The following CFHR4 variants were observed in gnomAD, a reference collection of about 807,000 sequenced individuals.
The protein encoded by CFHR4 is complement factor H-related protein 4.
In CFHR4, 64 loss-of-function variants were observed where a neutral mutation model predicts 69.3. That is an observed-to-expected ratio of 0.92 (90% CI 0.76 to 1.14). The LOEUF is 1.14. Among genes scored for constraint, CFHR4 ranks in the 50% most tolerant of loss-of-function variants. CFHR4 has a pLI of 0.00. For missense variants in CFHR4, 636 were observed against 684.9 expected, an observed-to-expected ratio of 0.93 and a Z score of 0.80; for synonymous variants, 244 against 237.0, an observed-to-expected ratio of 1.03 and a Z score of -0.27.
chr1:196,901,587 T>A (rs1657608292), intron 1 of CFHR4, among the ~76,000 whole-genome samples: 2 of 151,368 alleles, frequency 1.3e-5, no homozygotes. Flanking sequence ...AAAAAATGAA[T>A]ATTCTTCTGG....
chr1:196,914,786 A>T lies in CFHR4; in HGVS notation c.1357+115A>T, dbSNP rs530809056. On this transcript the variant is annotated intron_variant, in intron 8 of 9. Coordinates refer to ENST00000608469, the MANE Select transcript of CFHR4 (RefSeq NM_001201550.3). ...ATGTACATATATATGTAGTCCTCCT[A>T]TGAGTGTGAATTATCTTGAGACTTA... is the stretch of plus-strand genomic sequence containing the variant. 1.9e-4 allele frequency: 272 copies of T among 1,401,954 alleles called. 5 individuals are homozygous for T. The South Asian group carries it at 3.5e-3, about 18-fold the overall frequency. The allele number at this position is 1,401,954 out of a possible 1,614,324, so 86.8% of individuals were successfully genotyped here. A position where few individuals can be genotyped will look rare whatever the true frequency, so the allele number is the denominator to read the frequency against.
intron 9 of CFHR4, among the ~76,000 whole-genome samples, chr1:196,917,879 T>G (rs114289590): frequency 0.021 from 3,142 of 151,578 alleles, 153 homozygotes; most frequent in African/African-American, 0.071. Context: ...ATGACTCCAG[T>G]GGAACATGTT....
chr1:196,906,948 G>T lies in CFHR4; in HGVS notation c.527G>T (p.Cys176Phe). The T allele has an allele frequency of 6.2e-7, 1 of 1,612,582 alleles. No homozygotes were observed. The highest frequency in any genetic ancestry group is 8.5e-7 in the Non-Finnish European group (1 of 1,179,514). Residue 176 changes from cysteine to phenylalanine, a missense_variant, in exon 4 of 10, where the codon TGC becomes TTC. Physicochemically the swap from Cys to Phe is radical, Grantham distance 205. Coordinates refer to ENST00000608469, the MANE Select transcript of CFHR4 (RefSeq NM_001201550.3). ...FKLHDTLDYE[C>F]YDGYESSYGN... ...CTCCATGACACATTGGACTATGAAT[G>T]CTATGATGGATATGAAAGCAGTTAT...
intron 1 of CFHR4, among the ~76,000 whole-genome samples, chr1:196,894,331 G>A (rs147482300): frequency 1.3e-5 from 2 of 151,474 alleles, no homozygotes; most frequent in East Asian, 3.9e-4. Context: ...ACAAAAAATG[G>A]AGACAAAAAC....
Position 196,899,151 on chromosome 1 carries a change from T to C in CFHR4, c.59-3267T>C, listed in dbSNP as rs1005691870. 2.4e-5 allele frequency among the ~76,000 whole-genome samples: 3 copies of C among 127,296 alleles called. No homozygotes were observed. In the East Asian group the frequency reaches 5.9e-4, roughly 25 times the overall value. 83.5% of individuals were successfully genotyped at this position (127,296 alleles called of 152,430 possible). A position where few individuals can be genotyped will look rare whatever the true frequency, so the allele number is the denominator to read the frequency against. ...TGTAGCAAAATGTCTCTCACGTCAATAGGGTGTTTTATTTCTATGATGGTT... is the reference window on the plus strand; with the variant it reads ...TGTAGCAAAATGTCTCTCACGTCAACAGGGTGTTTTATTTCTATGATGGTT... On this transcript the variant is annotated intron_variant, in intron 1 of 9. Coordinates refer to ENST00000608469, the MANE Select transcript of CFHR4 (RefSeq NM_001201550.3).
At chr1:196,909,590 T>C (rs771702476) in intron 5 of CFHR4, among the ~76,000 whole-genome samples, 2 of 151,424 alleles carry the variant, frequency 1.3e-5, no homozygotes, top group Non-Finnish European at 2.9e-5. Flanking sequence ...GATTAAAATA[T>C]GATTTGGGGA....
chr1:196,912,915 T>C lies in CFHR4; in HGVS notation c.1173T>C (p.Ile391=), dbSNP rs755445759. The part of the protein sequence containing the change: ...CLQNGWSAQP[I]CIKFCDMPVF... ...AAAATGGATGGTCAGCACAACCAAT[T>C]TGCATTAGTAAGTGATTTACATATT... The change falls in exon 7 of 10, where the codon ATT becomes ATC. Residue 391 remains isoleucine (I), a synonymous_variant. Transcript: ENST00000608469. 15 of 1,611,612 alleles carry C rather than the reference T, an allele frequency of 9.3e-6. No homozygotes were observed. The highest frequency in any genetic ancestry group is 6.7e-5 in the East Asian group (3 of 44,700).
intron 1 of CFHR4, among the ~76,000 whole-genome samples, chr1:196,901,639 T>TG (rs1558241024): frequency 6.6e-6 from 1 of 151,284 alleles, no homozygotes; most frequent in African/African-American, 2.4e-5. Context: ...CCCATGGAAA[T>TG]GGAAACTTTT....
At chr1:196,911,479 A>G (rs376487297) in intron 6 of CFHR4, among the ~76,000 whole-genome samples, 1 of 150,946 alleles carries the variant, frequency 6.6e-6, no homozygotes, top group African/African-American at 2.5e-5. Flanking sequence ...TCTCACAACT[A>G]TGTCATATCT....
At chr1:196,907,896 C>A (rs1338283743) in intron 5 of CFHR4, among the ~76,000 whole-genome samples, 1 of 151,044 alleles carries the variant, frequency 6.6e-6, no homozygotes, top group Non-Finnish European at 1.5e-5. Flanking sequence ...GATGTGGAAC[C>A]AACCCAAATG....
chr1:196,902,394 C>T, intron 1 of CFHR4, 24 bp from the exon 2 acceptor site: 1 of 1,439,206 alleles, frequency 6.9e-7, no homozygotes, highest in Non-Finnish European at 9.7e-7. Context: ...ATTATTTATA[C>T]TGTTTTTTGT....
At position 196,888,216 on chromosome 1, in the gene CFHR4, G is replaced by A. The variant is rs1391840793; in HGVS notation, c.58+8G>A. The A allele has an allele frequency of 1.2e-6, 2 of 1,610,312 alleles. No individual in the cohort carries two copies. Among genetic ancestry groups the A allele is most frequent in the East Asian group, 2.2e-5 (1 of 44,710 alleles). On this transcript the variant is annotated splice_region_variant and intron_variant, in intron 1 of 9. Transcript: ENST00000608469. ...CCTGTGCTAATGGACAAGGTAAGTT[G>A]AAAGAGATCTAAACACTCAGCTTCC...
chr1:196,896,640 A>G (rs1223995398), intron 1 of CFHR4, among the ~76,000 whole-genome samples: 1 of 151,606 alleles, frequency 6.6e-6, no homozygotes, highest in African/African-American at 2.4e-5. Context: ...GGAGCGTGGT[A>G]TGAACATATG....
chr1:196,888,603 A>G (rs755027821), intron 1 of CFHR4, among the ~76,000 whole-genome samples: 1 of 151,206 alleles, frequency 6.6e-6, no homozygotes, highest in Admixed American at 6.6e-5. Flanking sequence ...AATCTTACAT[A>G]CAGTGATTTT....
At chr1:196,911,883 A>G (rs1358815673) in intron 6 of CFHR4, among the ~76,000 whole-genome samples, 2 of 151,512 alleles carry the variant, frequency 1.3e-5, no homozygotes, top group Admixed American at 1.3e-4. Flanking sequence ...GGAGATTAAT[A>G]GGAAAGTAGG....
At chr1:196,909,645 G>A (rs1658126914) in intron 5 of CFHR4, among the ~76,000 whole-genome samples, 1 of 151,168 alleles carries the variant, frequency 6.6e-6, no homozygotes. Context: ...AGACTTGAGT[G>A]CAGAATACTT....
intron 2 of CFHR4, 151 bp downstream of exon 2, chr1:196,902,766 G>A (rs1657695810): frequency 5.2e-6 from 3 of 574,046 alleles, no homozygotes; most frequent in Admixed American, 3.4e-5. Context: ...TTTTTGTTAT[G>A]AGATCTTCGT....
intron 1 of CFHR4, among the ~76,000 whole-genome samples, chr1:196,898,482 A>G (rs1434944678): frequency 6.6e-6 from 1 of 151,614 alleles, no homozygotes; most frequent in Non-Finnish European, 1.5e-5. Flanking sequence ...ATTGTAAACT[A>G]AAATTCTCTT....
chr1:196,907,006 A>G lies in CFHR4; in HGVS notation c.585A>G (p.Glu195=), dbSNP rs937646695. 2 of 1,611,906 alleles carry G rather than the reference A, an allele frequency of 1.2e-6. No homozygotes were observed. The highest frequency in any genetic ancestry group is 1.7e-6 in the Non-Finnish European group (2 of 1,179,290). Residue 195 remains glutamate (E), a synonymous_variant, in exon 4 of 10, where the codon GAA becomes GAG. Transcript: ENST00000608469. The part of the protein sequence containing the change: ...GNTTDSIVCG[E]DGWSHLPTCY... ...CCACAGATTCCATAGTGTGTGGTGA[A>G]GATGGCTGGTCCCATTTGCCAACAT...
Sources: gnomAD v4.1 joint callset for allele counts (sites outside exome capture counted in the v4.1 genomes callset) on GRCh38, gnomAD v4.1.1 for gene constraint, MANE v1.5 for transcripts, NCBI Gene and HGNC (gene_info 2026-07-23, HGNC 2026-07-21) for gene names.